Variants in HECW2 observed in about 807,000 individuals in gnomAD.
The protein encoded by HECW2 is E3 ubiquitin-protein ligase HECW2.
Under a neutral mutation model 175.2 loss-of-function variants are expected in HECW2, and 61 were observed. That is an observed-to-expected ratio of 0.35 (90% CI 0.28 to 0.43). HECW2 has a LOEUF of 0.43. HECW2 is among the 20% of genes least tolerant of loss of function. HECW2 has a pLI of 1.00. For missense variants in HECW2, 1,524 were observed against 2,000.5 expected (o/e 0.76, Z 4.54); for synonymous variants, 671 against 731.0 (o/e 0.92, Z 1.32).
intron 24 of HECW2, 38 bp downstream of exon 24, chr2:196,222,173 T>C (rs1281748872): frequency 3.1e-6 from 5 of 1,594,208 alleles, no homozygotes; most frequent in Non-Finnish European, 3.4e-6. Context: ...TAGCCTTCAG[T>C]TACCACACTT....
chr2:196,296,019 T>C (rs1690798373), intron 13 of HECW2, among the ~76,000 whole-genome samples: 1 of 152,140 alleles, frequency 6.6e-6, no homozygotes, highest in Non-Finnish European at 1.5e-5. Context: ...ACTGTTAGGG[T>C]CTATACAAAA....
chr2:196,539,777 T>C (rs1689149925), intron 1 of HECW2, among the ~76,000 whole-genome samples: 1 of 152,250 alleles, frequency 6.6e-6, no homozygotes, highest in African/African-American at 2.4e-5. Flanking sequence ...TGAGAGAATC[T>C]GAATATAAGA....
At chr2:196,531,135 T>A (rs925583683) in intron 1 of HECW2, among the ~76,000 whole-genome samples, 3 of 152,206 alleles carry the variant, frequency 2.0e-5, no homozygotes, top group Non-Finnish European at 2.9e-5. Context: ...GCATAAGGGA[T>A]GCCAGAAATA....
intron 17 of HECW2, among the ~76,000 whole-genome samples, chr2:196,268,438 G>A (rs1689597872): frequency 6.6e-6 from 1 of 152,144 alleles, no homozygotes; most frequent in South Asian, 2.1e-4. Context: ...ATCTTTAGGA[G>A]ATTAGAGACT....
chr2:196,289,445 C>T (rs1690521861), intron 14 of HECW2: 1 of 152,304 alleles, frequency 6.6e-6, no homozygotes, highest in African/African-American at 2.4e-5. Context: ...GTTCCAGCTA[C>T]TTGGGAGGCT....
At chr2:196,466,307 A>C (rs1225895953) in intron 1 of HECW2, among the ~76,000 whole-genome samples, 1 of 152,204 alleles carries the variant, frequency 6.6e-6, no homozygotes, top group African/African-American at 2.4e-5. Flanking sequence ...GGCTTGAATT[A>C]AGCCACAATG....
intron 2 of HECW2, among the ~76,000 whole-genome samples, chr2:196,373,361 G>A (rs1693958332): frequency 6.6e-6 from 1 of 152,148 alleles, no homozygotes; most frequent in Non-Finnish European, 1.5e-5. Flanking sequence ...TTCTTTTAGT[G>A]TACCACATAC....
At chr2:196,244,871 A>G (rs1688591038) in intron 19 of HECW2, among the ~76,000 whole-genome samples, 1 of 152,220 alleles carries the variant, frequency 6.6e-6, no homozygotes, top group Admixed American at 6.5e-5. Flanking sequence ...TATGACAAGA[A>G]TTTTTAAAAC....
intron 1 of HECW2, among the ~76,000 whole-genome samples, chr2:196,458,478 G>A (rs1268331720): frequency 1.3e-5 from 2 of 151,604 alleles, no homozygotes; most frequent in Non-Finnish European, 2.9e-5. Context: ...ACCCCAAGGG[G>A]ATGAAAATAT....
intron 1 of HECW2, among the ~76,000 whole-genome samples, chr2:196,444,867 A>AT (rs573129650): frequency 1.2e-4 from 19 of 152,106 alleles, no homozygotes; most frequent in South Asian, 4.2e-4. Flanking sequence ...CAGAGGGTGG[A>AT]TTTTTTTTCC....
Position 196,194,422 on chromosome 2 carries a change from T to A in HECW2, c.*6855A>T, listed in dbSNP as rs1331037999. ...GATTAAGTGATTTCATGATGCAACA[T>A]GGTTTTAAACAAAAATAGAGATCAG... is the stretch of plus-strand genomic sequence containing the variant. On this transcript the variant is annotated 3_prime_UTR_variant, in exon 29 of 29. Transcript: ENST00000644978. The A allele has an allele frequency of 6.6e-6, 1 of 152,098 alleles. No homozygotes were observed. The highest frequency in any genetic ancestry group is 1.5e-5 in the Non-Finnish European group (1 of 68,010). The allele number at this position is 152,098 out of a possible 1,614,324, so 9.4% of individuals were successfully genotyped here.
At chr2:196,549,230 A>G (rs1190233810) in intron 1 of HECW2, among the ~76,000 whole-genome samples, 3 of 152,254 alleles carry the variant, frequency 2.0e-5, no homozygotes, top group Middle Eastern at 3.2e-3. Context: ...GCATAACTGC[A>G]ATCCAGGTCA....
rs759193694 is a variant in HECW2 at position 196,306,575 on chromosome 2, G to C, written c.2727C>G (p.Ser909=). ...RRENILPHST[S]RSRITLLLQS... is the part of the protein sequence containing the mutation. ...GTAACAGCAACGTGATCCTGGATCT[G>C]GAGGTAGAGTGAGGCAGGATGTTCT... The change falls in exon 13 of 29, where the codon TCC becomes TCG. Residue 909 remains serine, a synonymous_variant. Coordinates refer to ENST00000644978, the MANE Select transcript of HECW2 (RefSeq NM_001348768.2). The C allele has an allele frequency of 6.2e-7, 1 of 1,613,242 alleles. No individual in the cohort carries two copies. The highest frequency in any genetic ancestry group is 2.2e-5 in the East Asian group (1 of 44,814).
At chr2:196,336,530 C>T (rs1387139253) in intron 3 of HECW2, among the ~76,000 whole-genome samples, 5 of 152,124 alleles carry the variant, frequency 3.3e-5, no homozygotes, top group Non-Finnish European at 7.4e-5. Context: ...CATTTTTCCA[C>T]AGAGAGAAGT....
At chr2:196,203,423 A>G (rs544381520) in intron 28 of HECW2, among the ~76,000 whole-genome samples, 1 of 152,326 alleles carries the variant, frequency 6.6e-6, no homozygotes, top group South Asian at 2.1e-4. Flanking sequence ...AATATTAAAT[A>G]AAGATTTATC....
chr2:196,420,556 T>C (rs965697466), intron 2 of HECW2, among the ~76,000 whole-genome samples: 1 of 152,234 alleles, frequency 6.6e-6, no homozygotes, highest in Non-Finnish European at 1.5e-5. Context: ...CCTTTCATCA[T>C]AACCTACATT....
intron 22 of HECW2, 56 bp downstream of exon 22, chr2:196,228,046 A>G: frequency 6.3e-6 from 9 of 1,435,508 alleles, no homozygotes; most frequent in Non-Finnish European, 8.3e-6. Context: ...GTTCTATAAA[A>G]AAACTAATAT....
chr2:196,206,931 G>A (rs1458849232), intron 28 of HECW2, among the ~76,000 whole-genome samples: 1 of 152,222 alleles, frequency 6.6e-6, no homozygotes, highest in African/African-American at 2.4e-5. Context: ...GCCAAGGAAG[G>A]TTCATAGAGG....
At chr2:196,450,815 T>C (rs1027383162) in intron 1 of HECW2, among the ~76,000 whole-genome samples, 5 of 152,124 alleles carry the variant, frequency 3.3e-5, no homozygotes, top group Non-Finnish European at 4.4e-5. Flanking sequence ...CCCCATTTGA[T>C]GCTGATAAAT....
Sources: gnomAD v4.1 joint callset for allele counts (sites outside exome capture counted in the v4.1 genomes callset) on GRCh38, gnomAD v4.1.1 for gene constraint, MANE v1.5 for transcripts, NCBI Gene and HGNC (gene_info 2026-07-23, HGNC 2026-07-21) for gene names.